The following UNC13B variants were observed in gnomAD, a reference collection of about 807,000 sequenced individuals.
The protein encoded by UNC13B is unc-13 homolog B.
A neutral mutation model predicts 211.0 loss-of-function variants in UNC13B; 144 were observed. The observed-to-expected ratio is 0.68, with a 90% confidence interval of 0.60 to 0.78. The LOEUF (loss-of-function observed/expected upper bound fraction) is 0.78, where lower values mean the gene tolerates loss of function less well. Ranked by LOEUF, UNC13B falls within the 30% of genes least tolerant of loss-of-function variation. The pLI is 0.00. For synonymous variants in UNC13B, 709 were observed against 725.8 expected (o/e 0.98, Z 0.37); for missense variants, 1,777 against 2,002.0 (o/e 0.89, Z 2.14).
At chr9:35,224,445 G>A (rs1204343581) in intron 1 of UNC13B, among the ~76,000 whole-genome samples, 4 of 152,090 alleles carry the variant, frequency 2.6e-5, no homozygotes, top group African/African-American at 9.7e-5. Flanking sequence ...TTTTCAGCTA[G>A]TTTATTATTA....
intron 20 of UNC13B, 21 bp downstream of exon 20, chr9:35,381,740 C>T (rs768386262): frequency 9.9e-6 from 16 of 1,609,034 alleles, no homozygotes; most frequent in Middle Eastern, 3.3e-4. Flanking sequence ...GCTGCGGCAC[C>T]GGGAAGTGGC....
chr9:35,241,379 T>A (rs934483245), intron 5 of UNC13B, among the ~76,000 whole-genome samples: 3 of 152,184 alleles, frequency 2.0e-5, no homozygotes, highest in Non-Finnish European at 2.9e-5. Flanking sequence ...AACATGCTTG[T>A]ATCTCTCTGT....
chr9:35,185,041 T>C (rs766604185), intron 1 of UNC13B, among the ~76,000 whole-genome samples: 48 of 152,330 alleles, frequency 3.2e-4, no homozygotes, highest in Non-Finnish European at 4.3e-4. Context: ...CTCAAACATA[T>C]TGAGTATTCT....
intron 32 of UNC13B, 87 bp from the exon 33 acceptor site, chr9:35,398,795 T>C (rs1055741795): frequency 8.9e-6 from 14 of 1,576,736 alleles, no homozygotes; most frequent in Middle Eastern, 3.4e-4. Flanking sequence ...ACCATGAGCA[T>C]ATGGGAATGG....
chr9:35,375,994 A>C, intron 14 of UNC13B, 34 bp from the exon 15 acceptor site: 1 of 1,611,854 alleles, frequency 6.2e-7, no homozygotes, highest in Non-Finnish European at 8.5e-7. Context: ...CAAACAAAAA[A>C]CAAAAATCAT....
At chr9:35,397,049 C>A in intron 28 of UNC13B, 112 bp downstream of exon 28, 1 of 1,598,226 alleles carries the variant, frequency 6.3e-7, no homozygotes, top group Non-Finnish European at 8.6e-7. Flanking sequence ...CTGTGGAGTT[C>A]ACAGGAGGGC....
At chr9:35,338,995 T>G (rs919128765) in intron 11 of UNC13B, among the ~76,000 whole-genome samples, 4 of 152,160 alleles carry the variant, frequency 2.6e-5, no homozygotes, top group African/African-American at 9.7e-5. Context: ...GCCAGGTGGT[T>G]TTCTGACTAA....
At chr9:35,332,766 T>A (rs139340619) in intron 11 of UNC13B, among the ~76,000 whole-genome samples, 204 of 152,346 alleles carry the variant, frequency 1.3e-3, no homozygotes, top group African/African-American at 4.6e-3. Flanking sequence ...TTTCCCAAAG[T>A]GCCCAGGCCA....
At chr9:35,291,995 A>G (rs1012140844) in intron 7 of UNC13B, among the ~76,000 whole-genome samples, 5 of 152,220 alleles carry the variant, frequency 3.3e-5, no homozygotes, top group Non-Finnish European at 7.3e-5. Flanking sequence ...GCTCAAGGTC[A>G]TCGCCAAGCA....
chr9:35,398,567 C>G lies in UNC13B; in HGVS notation c.11846C>G (p.Ala3949Gly). ...AMGGKELDLE[A>G]ADSLKELQVK... ...CTGTGAATACAGCTGGACCTTGAAG[C>G]TGCAGACAGTCTGAAGGAGCTGCAG... The change falls in exon 32 of 40, where the codon GCT (alanine) becomes GGT (glycine). Residue 3949 changes from alanine (A) to glycine (G), a missense_variant. Ala to Gly is a moderately conservative substitution (Grantham distance 60). Coordinates refer to ENST00000635942, the MANE Select transcript of UNC13B (RefSeq NM_001371189.2). 4 of 1,613,998 alleles carry G rather than the reference C, an allele frequency of 2.5e-6. No homozygotes were observed. The South Asian group carries it at 3.3e-5, about 13-fold the overall frequency.
chr9:35,338,117 T>C (rs1831769562), intron 11 of UNC13B, among the ~76,000 whole-genome samples: 1 of 152,146 alleles, frequency 6.6e-6, no homozygotes, highest in Non-Finnish European at 1.5e-5. Flanking sequence ...CGGGTTTATG[T>C]GAGAGGGCAG....
intron 11 of UNC13B, among the ~76,000 whole-genome samples, chr9:35,325,402 C>T (rs1266147010): frequency 6.6e-6 from 1 of 152,096 alleles, no homozygotes; most frequent in Non-Finnish European, 1.5e-5. Context: ...ATGGCTCTTC[C>T]CTCTGCTTAC....
chr9:35,199,987 G>A (rs1471547446), intron 1 of UNC13B, among the ~76,000 whole-genome samples: 1 of 152,228 alleles, frequency 6.6e-6, no homozygotes, highest in African/African-American at 2.4e-5. Context: ...TAACATGTAA[G>A]TCTTTCATCC....
chr9:35,232,626 G>T (rs532080040), intron 3 of UNC13B, among the ~76,000 whole-genome samples: 1 of 152,320 alleles, frequency 6.6e-6, no homozygotes, highest in South Asian at 2.1e-4. Context: ...TGGAAGATGG[G>T]TTGGGTGGTA....
In UNC13B at chr9:35,302,780, G is replaced by A; in HGVS notation, c.3376G>A (p.Val1126Ile). 1 of 398,588 alleles carries A rather than the reference G, an allele frequency of 2.5e-6. No homozygotes were observed. 24.7% of individuals were successfully genotyped at this position (398,588 alleles called of 1,614,324 possible). A position where few individuals can be genotyped will look rare whatever the true frequency, so the allele number is the denominator to read the frequency against. ...CISTTSKSTL[V>I]NEINEDEVID... ...TTCTACCACTTCCAAATCCACTTTGGTTAATGAAATTAATGAAGATGAGGT... is the reference window on the plus strand; with the variant it reads ...TTCTACCACTTCCAAATCCACTTTGATTAATGAAATTAATGAAGATGAGGT... Residue 1126 changes from valine to isoleucine, a missense_variant, in exon 9 of 40, where the codon GTT becomes ATT. By Grantham distance (29) the Val-to-Ile change is conservative (BLOSUM62 3). Coordinates refer to ENST00000635942, the MANE Select transcript of UNC13B (RefSeq NM_001371189.2).
intron 17 of UNC13B, 67 bp from the exon 18 acceptor site, chr9:35,380,403 A>C: frequency 1.3e-6 from 2 of 1,541,306 alleles, no homozygotes; most frequent in Non-Finnish European, 1.8e-6. Context: ...TTGGGAGGGA[A>C]TAGGAAGTAA....
chr9:35,223,989 A>G (rs893392204), intron 1 of UNC13B, among the ~76,000 whole-genome samples: 2 of 152,108 alleles, frequency 1.3e-5, no homozygotes, highest in African/African-American at 4.8e-5. Context: ...TGGGTTCTCT[A>G]TTCTATTCCA....
chr9:35,264,750 GC>G (rs886590410), intron 7 of UNC13B, among the ~76,000 whole-genome samples: 2 of 152,174 alleles, frequency 1.3e-5, no homozygotes, highest in African/African-American at 4.8e-5. Flanking sequence ...CTCCTGAAAA[GC>G]CAAGGAGGCA....
intron 1 of UNC13B, among the ~76,000 whole-genome samples, chr9:35,195,004 C>T (rs1309817559): frequency 6.6e-6 from 1 of 152,192 alleles, no homozygotes; most frequent in East Asian, 1.9e-4. Context: ...GTCTGATTTA[C>T]ATAGGGCTCA....
Sources: allele counts gnomAD v4.1 joint callset (sites outside exome capture counted in the v4.1 genomes callset), GRCh38; gene constraint gnomAD v4.1.1; transcripts MANE v1.5; gene names NCBI Gene and HGNC (gene_info 2026-07-23, HGNC 2026-07-21).